CADPS2: variants seen among roughly 807,000 people sequenced by gnomAD.
CADPS2 encodes the protein calcium-dependent secretion activator 2.
Under a neutral mutation model 172.5 loss-of-function variants are expected in CADPS2, and 93 were observed. That is an observed-to-expected ratio of 0.54 (90% CI 0.46 to 0.64). The LOEUF (loss-of-function observed/expected upper bound fraction) is 0.64. CADPS2 is among the 30% of genes least tolerant of loss of function. The pLI is 0.00. For synonymous variants in CADPS2, 546 were observed against 555.2 expected (o/e 0.98, Z 0.23); for missense variants, 1,420 against 1,565.9 (o/e 0.91, Z 1.57).
intron 24 of CADPS2, among the ~76,000 whole-genome samples, chr7:122,384,304 C>A (rs964502665): frequency 6.6e-6 from 1 of 152,032 alleles, no homozygotes; most frequent in African/African-American, 2.4e-5. Context: ...CCAGCGATGA[C>A]AATATAACAC....
At chr7:122,795,836 C>T (rs1796260824) in intron 1 of CADPS2, among the ~76,000 whole-genome samples, 1 of 152,124 alleles carries the variant, frequency 6.6e-6, no homozygotes, top group South Asian at 2.1e-4. Context: ...TCCTATTCAA[C>T]ACAGTATGGG....
chr7:122,413,514 CTG>C (rs1178903158), intron 19 of CADPS2, among the ~76,000 whole-genome samples: 1 of 152,160 alleles, frequency 6.6e-6, no homozygotes, highest in African/African-American at 2.4e-5. Context: ...TAAACTGCCA[CTG>C]TGGAGAGAGG....
chr7:122,433,208 T>C (rs1276533795), intron 17 of CADPS2, among the ~76,000 whole-genome samples: 2 of 151,920 alleles, frequency 1.3e-5, no homozygotes, highest in Non-Finnish European at 2.9e-5. Context: ...CTTGAACTCC[T>C]GGGTTCAAGT....
Position 122,784,283 on chromosome 7 carries a change from T to G in CADPS2, c.340-47215A>C, listed in dbSNP as rs1793496604. ...TCACCATTCCCAACTTTCAGGTCGTTGGGTACTGTTTACTTTTAGATTTTT... is the reference window on the plus strand; with the variant it reads ...TCACCATTCCCAACTTTCAGGTCGTGGGGTACTGTTTACTTTTAGATTTTT... On this transcript the variant is annotated intron_variant, in intron 1 of 29. Coordinates refer to ENST00000449022, the MANE Select transcript of CADPS2 (RefSeq NM_017954.11). Among the ~76,000 whole-genome samples, 6 of 152,346 alleles carry G rather than the reference T, an allele frequency of 3.9e-5. No homozygotes were observed. In the South Asian group the frequency reaches 1.2e-3, roughly 32 times the overall value.
intron 6 of CADPS2, among the ~76,000 whole-genome samples, chr7:122,594,180 A>G (rs147980875): frequency 6.6e-6 from 1 of 152,148 alleles, no homozygotes; most frequent in East Asian, 1.9e-4. Context: ...CACATCTGTA[A>G]TCCTAGCTAT....
intron 2 of CADPS2, among the ~76,000 whole-genome samples, chr7:122,678,450 C>T (rs1228781445): frequency 6.6e-6 from 1 of 152,174 alleles, no homozygotes; most frequent in African/African-American, 2.4e-5. Context: ...GGAGTTATTA[C>T]TCAAATTAAT....
chr7:122,679,660 G>A (rs1243240838), intron 2 of CADPS2, among the ~76,000 whole-genome samples: 1 of 152,066 alleles, frequency 6.6e-6, no homozygotes, highest in Admixed American at 6.6e-5. Context: ...TGGTTTTACG[G>A]CTCAGGGGGC....
chr7:122,841,082 T>A (rs981309313), intron 1 of CADPS2, among the ~76,000 whole-genome samples: 1 of 152,202 alleles, frequency 6.6e-6, no homozygotes, highest in South Asian at 2.1e-4. Context: ...AGGAAGAACA[T>A]GTTTCCTTAT....
Position 122,663,389 on chromosome 7 carries a change from T to C in CADPS2, c.634A>G (p.Arg212Gly). 6.2e-7 allele frequency: 1 copy of C among 1,613,980 alleles called. No homozygotes were observed. Among genetic ancestry groups the C allele is most frequent in the Non-Finnish European group, 8.5e-7 (1 of 1,179,884 alleles). ...TGTTTGCACAAGTCCTCTTCACCTC[T>C]GTAAATGGCATCATATTTGGCTATC... ...SWIAKYDAIY[R>G]GEEDLCKQPN... The change falls in exon 3 of 30, where the codon AGA (arginine) becomes GGA (glycine). Residue 212 changes from arginine (R) to glycine (G), a missense_variant. Arg to Gly is a moderately radical substitution (Grantham distance 125). Transcript: ENST00000449022.
At chr7:122,859,272 G>C (rs1816252396) in intron 1 of CADPS2, among the ~76,000 whole-genome samples, 1 of 152,130 alleles carries the variant, frequency 6.6e-6, no homozygotes, top group Non-Finnish European at 1.5e-5. Context: ...CTGAATATGG[G>C]AGTCATCTGT....
intron 28 of CADPS2, among the ~76,000 whole-genome samples, chr7:122,339,996 ATAATATTT>A (rs2036525437): frequency 6.6e-6 from 1 of 152,220 alleles, no homozygotes; most frequent in Admixed American, 6.5e-5. Flanking sequence ...ACATTCACTT[ATAATATTT>A]TCATTATTTT....
intron 2 of CADPS2, among the ~76,000 whole-genome samples, chr7:122,732,041 T>C (rs1219605959): frequency 1.3e-5 from 2 of 151,758 alleles, no homozygotes; most frequent in African/African-American, 4.8e-5. Context: ...CAGTATATGC[T>C]TTTATGTAAC....
chr7:122,363,560 G>C (rs2040463032), intron 25 of CADPS2, among the ~76,000 whole-genome samples: 1 of 151,730 alleles, frequency 6.6e-6, no homozygotes, highest in Non-Finnish European at 1.5e-5. Context: ...CTTGGCTCAA[G>C]TTGCAGCTCT....
chr7:122,789,926 T>C (rs1033072314), intron 1 of CADPS2, among the ~76,000 whole-genome samples: 43 of 151,110 alleles, frequency 2.8e-4, no homozygotes, highest in African/African-American at 1.0e-3. Context: ...ATACCCCTCA[T>C]CCATTTTCTT....
Position 122,737,022 on chromosome 7 carries a change from A to G in CADPS2, c.386T>C (p.Phe129Ser). 6.2e-7 allele frequency: 1 copy of G among 1,612,598 alleles called. No individual in the cohort carries two copies. The highest frequency in any genetic ancestry group is 8.5e-7 in the Non-Finnish European group (1 of 1,178,732). ...TACAATTTGGGTTTCCCCATTGAGG[A>G]AGGCCTGGAACCGTTCTTTCAGTAA... Reference protein sequence around the residue: ...LQLLKERFQAFLNGETQIVAD... With the variant: ...LQLLKERFQASLNGETQIVAD... Residue 129 changes from phenylalanine (F) to serine (S), a missense_variant, in exon 2 of 30, where the codon TTC (phenylalanine) becomes TCC (serine). By Grantham distance (155) the Phe-to-Ser change is radical. Coordinates refer to ENST00000449022, the MANE Select transcript of CADPS2 (RefSeq NM_017954.11).
chr7:122,659,155 A>T (rs1365225601), intron 3 of CADPS2, among the ~76,000 whole-genome samples: 1 of 152,032 alleles, frequency 6.6e-6, no homozygotes, highest in East Asian at 1.9e-4. Flanking sequence ...AGATTCAGAT[A>T]CGAGACAGAT....
chr7:122,583,731 TAACA>T (rs1354111270), intron 6 of CADPS2, among the ~76,000 whole-genome samples: 1 of 151,376 alleles, frequency 6.6e-6, no homozygotes, highest in Non-Finnish European at 1.5e-5. Context: ...ATAGCATATA[TAACA>T]GACATCCTAA....
At chr7:122,629,202 G>C (rs1366164664) in intron 4 of CADPS2, 46 bp downstream of exon 4, 6 of 1,429,976 alleles carry the variant, frequency 4.2e-6, no homozygotes, top group Non-Finnish European at 5.7e-6. Context: ...CAGAAATCTA[G>C]GTAAAGAAAG....
chr7:122,455,422 T>G (rs2053639365), intron 14 of CADPS2, among the ~76,000 whole-genome samples: 1 of 151,392 alleles, frequency 6.6e-6, no homozygotes, highest in African/African-American at 2.4e-5. Flanking sequence ...TAATAATATT[T>G]AATAAAAATG....
Sources: allele counts gnomAD v4.1 joint callset (sites outside exome capture counted in the v4.1 genomes callset), GRCh38; gene constraint gnomAD v4.1.1; transcripts MANE v1.5; gene names NCBI Gene and HGNC (gene_info 2026-07-23, HGNC 2026-07-21).